ADGRV1: variants seen among roughly 807,000 people sequenced by gnomAD.
ADGRV1 encodes adhesion G protein-coupled receptor V1.
A neutral mutation model predicts 596.2 loss-of-function variants in ADGRV1; 359 were observed. The ratio of observed to expected loss-of-function variants is 0.60; its 90% CI spans 0.55 to 0.66. ADGRV1 has a LOEUF of 0.66. ADGRV1 is among the 30% of genes least tolerant of loss of function. ADGRV1 has a pLI of 0.00. For missense variants in ADGRV1, 7,274 were observed against 7,575.6 expected, an observed-to-expected ratio of 0.96 and a Z score of 1.48; for synonymous variants, 2,681 against 2,679.2, an observed-to-expected ratio of 1.00 and a Z score of -0.02.
chr5:91,147,811 T>G (rs570921135), intron 87 of ADGRV1, among the ~76,000 whole-genome samples: 1 of 152,236 alleles, frequency 6.6e-6, no homozygotes, highest in African/African-American at 2.4e-5. Context: ...AGGCAGAGGT[T>G]GGAACAGTTT....
chr5:90,628,342 G>T (rs1765071111), intron 7 of ADGRV1, among the ~76,000 whole-genome samples: 2 of 152,268 alleles, frequency 1.3e-5, no homozygotes, highest in African/African-American at 2.4e-5. Context: ...AGTCCATGAA[G>T]TTGAAGTTGT....
intron 27 of ADGRV1, 44 bp from the exon 28 acceptor site, chr5:90,683,542 T>A (rs1349588294): frequency 6.9e-7 from 1 of 1,451,910 alleles, no homozygotes; most frequent in Admixed American, 2.3e-5. Flanking sequence ...AGTAACTGGC[T>A]TTAATCTCTC....
Position 90,959,869 on chromosome 5 carries a change from G to A in ADGRV1, c.17857-5546G>A, listed in dbSNP as rs560879656. On this transcript the variant is annotated intron_variant, in intron 83 of 89. Transcript: ENST00000405460. Reference sequence around the variant, plus strand: ...AGAAATAGATCAGTGTCTGGGCGCAGTGGCTCACGCCTGTAATCCCAGCAC... The same window carrying A: ...AGAAATAGATCAGTGTCTGGGCGCAATGGCTCACGCCTGTAATCCCAGCAC... Among the ~76,000 whole-genome samples, 6 of 152,288 alleles carry A rather than the reference G, an allele frequency of 3.9e-5. No homozygotes were observed. The East Asian group carries it at 9.7e-4, about 24-fold the overall frequency.
intron 85 of ADGRV1, among the ~76,000 whole-genome samples, chr5:91,052,034 T>A (rs1786383263): frequency 6.6e-6 from 1 of 152,244 alleles, no homozygotes. Flanking sequence ...CACTATTTAT[T>A]TAATAATTAT....
intron 4 of ADGRV1, among the ~76,000 whole-genome samples, chr5:90,620,346 G>A (rs1561397465): frequency 6.6e-6 from 1 of 152,170 alleles, no homozygotes; most frequent in Non-Finnish European, 1.5e-5. Context: ...TTTCTCTGAT[G>A]GCCAGTGATG....
chr5:90,682,546 A>G (rs1179258002), intron 27 of ADGRV1, among the ~76,000 whole-genome samples: 1 of 152,234 alleles, frequency 6.6e-6, no homozygotes, highest in East Asian at 1.9e-4. Context: ...GACTCACAGG[A>G]GCTAGCTGCT....
At chr5:90,880,163 T>C (rs576625689) in intron 83 of ADGRV1, among the ~76,000 whole-genome samples, 1 of 152,262 alleles carries the variant, frequency 6.6e-6, no homozygotes, top group South Asian at 2.1e-4. Flanking sequence ...CCTCATTTTA[T>C]ACTAAATAAA....
At chr5:90,649,587 C>T (rs552514135) in intron 17 of ADGRV1, among the ~76,000 whole-genome samples, 1 of 152,268 alleles carries the variant, frequency 6.6e-6, no homozygotes, top group Non-Finnish European at 1.5e-5. Context: ...CTCCTAGGTT[C>T]AAGCAATTCT....
intron 43 of ADGRV1, among the ~76,000 whole-genome samples, chr5:90,719,389 G>A (rs1454823380): frequency 6.6e-6 from 1 of 151,876 alleles, no homozygotes; most frequent in South Asian, 2.1e-4. Context: ...ATCATCACCC[G>A]GAAGATTCCC....
At chr5:90,701,293 C>G (rs931456381) in intron 34 of ADGRV1, among the ~76,000 whole-genome samples, 8 of 151,990 alleles carry the variant, frequency 5.3e-5, no homozygotes, top group African/African-American at 1.9e-4. Context: ...AGGCTAAGCA[C>G]TTATTTTTAA....
chr5:91,001,394 G>T (rs1204187619), intron 85 of ADGRV1, among the ~76,000 whole-genome samples: 1 of 152,022 alleles, frequency 6.6e-6, no homozygotes, highest in East Asian at 1.9e-4. Flanking sequence ...CATTTTTTAA[G>T]AAGTCTGCAG....
intron 83 of ADGRV1, among the ~76,000 whole-genome samples, chr5:90,949,095 C>A (rs7716083): frequency 0.43 from 65,114 of 151,900 alleles, 15,115 homozygotes; most frequent in Non-Finnish European, 0.51. Context: ...GGGTTAATCT[C>A]ACAGATACTT....
chr5:90,722,892 GA>G (rs980358571), intron 45 of ADGRV1, among the ~76,000 whole-genome samples: 27 of 152,144 alleles, frequency 1.8e-4, no homozygotes, highest in African/African-American at 6.5e-4. Flanking sequence ...TGAACTATAA[GA>G]AGGTTCAACT....
At chr5:90,715,660 T>G (rs1750000940) in intron 42 of ADGRV1, among the ~76,000 whole-genome samples, 1 of 152,098 alleles carries the variant, frequency 6.6e-6, no homozygotes, top group South Asian at 2.1e-4. Context: ...CTTTTCTTTT[T>G]TTTTTTTAAA....
intron 87 of ADGRV1, among the ~76,000 whole-genome samples, chr5:91,121,058 C>T (rs754442931): frequency 6.6e-6 from 1 of 152,106 alleles, no homozygotes; most frequent in African/African-American, 2.4e-5. Context: ...CCTGTAATCC[C>T]AGCTACTCGG....
intron 87 of ADGRV1, among the ~76,000 whole-genome samples, chr5:91,107,896 A>C (rs1792032244): frequency 6.6e-6 from 1 of 152,208 alleles, no homozygotes; most frequent in Admixed American, 6.5e-5. Flanking sequence ...GGACTGTGAC[A>C]CATAATAGTA....
chr5:90,993,359 A>G (rs1411010549), intron 85 of ADGRV1, among the ~76,000 whole-genome samples: 2 of 151,812 alleles, frequency 1.3e-5, no homozygotes, highest in South Asian at 2.1e-4. Context: ...GGGTTTCACC[A>G]TATTGGCCAG....
In ADGRV1 at chr5:90,672,031, C is replaced by T. The variant is rs777311235; in HGVS notation, c.4753-515C>T. On this transcript the variant is annotated intron_variant, in intron 21 of 89. Coordinates refer to ENST00000405460, the MANE Select transcript of ADGRV1 (RefSeq NM_032119.4). ...CCCCATTTGGCACTTCATGCCACCC[C>T]GCCAAAATGATACCACCAAATATAC... Among the ~76,000 whole-genome samples, 4 of 152,290 alleles carry T rather than the reference C, an allele frequency of 2.6e-5. No individual in the cohort carries two copies. In the South Asian group the frequency reaches 6.2e-4, roughly 24 times the overall value.
intron 1 of ADGRV1, among the ~76,000 whole-genome samples, chr5:90,590,373 G>A (rs1480120915): frequency 6.6e-6 from 1 of 152,134 alleles, no homozygotes; most frequent in African/African-American, 2.4e-5. Flanking sequence ...TGATGTCTGA[G>A]TTGTGATGTC....
Sources: gnomAD v4.1 joint callset for allele counts (sites outside exome capture counted in the v4.1 genomes callset) on GRCh38, gnomAD v4.1.1 for gene constraint, MANE v1.5 for transcripts, NCBI Gene and HGNC (gene_info 2026-07-23, HGNC 2026-07-21) for gene names.